The following FBN1 variants were observed in gnomAD, a reference collection of about 807,000 sequenced individuals.
The protein encoded by FBN1 is fibrillin 1.
FBN1 carries 29 observed loss-of-function variants against 365.1 expected under a neutral mutation model. The observed-to-expected ratio is 0.08, with a 90% CI of 0.06 to 0.11. The LOEUF (loss-of-function observed/expected upper bound fraction) is 0.11. Among genes scored for constraint, FBN1 ranks in the 10% least tolerant of loss-of-function variants. The pLI is 1.00. For missense variants in FBN1, 2,476 were observed against 3,703.2 expected, an observed-to-expected ratio of 0.67 and a Z score of 8.60; for synonymous variants, 1,210 against 1,270.5, an observed-to-expected ratio of 0.95 and a Z score of 1.01.
intron 6 of FBN1, among the ~76,000 whole-genome samples, chr15:48,565,647 A>T (rs2140663449): frequency 6.6e-6 from 1 of 152,120 alleles, no homozygotes; most frequent in East Asian, 1.9e-4. Context: ...AAGAAAAAGA[A>T]AATGCTAACT....
chr15:48,601,257 T>C (rs1254358669), intron 4 of FBN1, among the ~76,000 whole-genome samples: 1 of 152,214 alleles, frequency 6.6e-6, no homozygotes, highest in Admixed American at 6.5e-5. Context: ...CGCAGGCAAG[T>C]GCTCTCATTT....
At chr15:48,459,531 A>G (rs1393310639) in intron 43 of FBN1, among the ~76,000 whole-genome samples, 1 of 152,212 alleles carries the variant, frequency 6.6e-6, no homozygotes, top group African/African-American at 2.4e-5. Flanking sequence ...TTGCTACTAG[A>G]CACAACTGTG....
intron 45 of FBN1, among the ~76,000 whole-genome samples, chr15:48,449,274 T>C (rs187598421): frequency 2.0e-5 from 3 of 152,376 alleles, no homozygotes; most frequent in East Asian, 1.9e-4. Flanking sequence ...AAGTCATGGA[T>C]AGTTCATGGC....
At chr15:48,540,006 T>C (rs1053955257) in intron 6 of FBN1, among the ~76,000 whole-genome samples, 1 of 152,220 alleles carries the variant, frequency 6.6e-6, no homozygotes, top group Non-Finnish European at 1.5e-5. Flanking sequence ...CATTTCGTTC[T>C]TTCGATGAAG....
chr15:48,503,221 C>T (rs1014964858), intron 17 of FBN1, among the ~76,000 whole-genome samples: 4 of 147,418 alleles, frequency 2.7e-5, no homozygotes, highest in Non-Finnish European at 5.9e-5. Context: ...CACTTGAACC[C>T]GGGAGGCGGA....
Position 48,455,892 on chromosome 15 carries a change from G to T in FBN1, c.5422+745C>A, listed in dbSNP as rs191998489. Among the ~76,000 whole-genome samples the T allele has an allele frequency of 2.3e-3, 353 of 152,198 alleles. 1 individual carries two copies. Among genetic ancestry groups the T allele is most frequent in the Middle Eastern group, 6.8e-3 (2 of 294 alleles). On this transcript the variant is annotated intron_variant, in intron 44 of 65. Transcript: ENST00000316623. ...ATGTGCTATAATACGTGCTCTAAGG[G>T]GTAATAACCCTTTCTAACATGAATA... is the stretch of plus-strand genomic sequence containing the variant.
rs2042846527 is a variant in FBN1, at chr15:48,409,869, T to C, written c.*1121A>G. The C allele has an allele frequency of 1.3e-5, 2 of 152,174 alleles. No individual in the cohort carries two copies. Among genetic ancestry groups the C allele is most frequent in the African/African-American group, 4.8e-5 (2 of 41,440 alleles). The allele number at this position is 152,174 out of a possible 1,614,324, so 9.4% of individuals were successfully genotyped here. ...CTAAATTTCTCACAAGCAAGTCAGG[T>C]TAATGACACCAGACTCTGCTACTTT... On this transcript the variant is annotated 3_prime_UTR_variant, in exon 66 of 66. Transcript: ENST00000316623.
intron 49 of FBN1, 24 bp from the exon 50 acceptor site, chr15:48,441,870 C>G: frequency 6.2e-7 from 1 of 1,612,224 alleles, no homozygotes; most frequent in Non-Finnish European, 8.5e-7. Context: ...ATGAGTCAAA[C>G]AAAGTCAAAA....
chr15:48,519,996 T>C (rs918328484), intron 10 of FBN1, among the ~76,000 whole-genome samples: 8 of 152,206 alleles, frequency 5.3e-5, no homozygotes, highest in African/African-American at 1.9e-4. Flanking sequence ...AAAAATTGTA[T>C]GCATTCATTG....
intron 6 of FBN1, among the ~76,000 whole-genome samples, chr15:48,542,819 G>GTGTGTGTA (rs2044067870): frequency 7.2e-6 from 1 of 139,514 alleles, no homozygotes; most frequent in African/African-American, 2.5e-5. Context: ...GTGTGTGTGT[G>GTGTGTGTA]TGTGTGTGTG....
At chr15:48,420,150 C>T (rs139968032) in intron 63 of FBN1, among the ~76,000 whole-genome samples, 30 of 152,170 alleles carry the variant, frequency 2.0e-4, no homozygotes, top group African/African-American at 7.0e-4. Flanking sequence ...ATGAGAGAGT[C>T]AGTAGATCTC....
At position 48,456,871 on chromosome 15, in the gene FBN1, T is replaced by TGTGTGTGTGTGTGTGCGC. The variant is rs749897052; in HGVS notation, c.5297-110_5297-109insGCGCACACACACACACAC. The TGTGTGTGTGTGTGTGCGC allele has an allele frequency of 1.2e-4, 129 of 1,083,524 alleles. No individual in the cohort carries two copies. The Middle Eastern group carries it at 1.5e-3, about 12-fold the overall frequency. The allele number at this position is 1,083,524 out of a possible 1,614,324, so 67.1% of individuals were successfully genotyped here. ...GTGTGTGTGTGTGTGTGTGTGTGTG[T>TGTGTGTGTGTGTGTGCGC]GCGTGCATGTGTTGGGGTGGTGGTG... On this transcript the variant is annotated intron_variant, in intron 43 of 65. Coordinates refer to ENST00000316623, the MANE Select transcript of FBN1 (RefSeq NM_000138.5).
In FBN1 at chr15:48,487,386, T is replaced by C. The variant is rs747189975; in HGVS notation, c.3389A>G (p.His1130Arg). ...DPLLCRGGVC[H>R]NTEGSYRCEC... ...ACAGCGGTAACTTCCCTCTGTGTTA[T>C]GGCAAACACCACCTCGGCATAGGAG... Residue 1130 changes from histidine to arginine, a missense_variant, in exon 28 of 66, where the codon CAT (histidine) becomes CGT (arginine). Physicochemically the swap from His to Arg is conservative, Grantham distance 29. This residue lies in a region of FBN1 where 1,780 missense variants were observed against 2,840.8 expected (regional missense o/e 0.63). Transcript: ENST00000316623. The C allele has an allele frequency of 3.2e-5, 51 of 1,614,094 alleles. No homozygotes were observed. Among genetic ancestry groups the C allele is most frequent in the African/African-American group, 4.0e-5 (3 of 74,934 alleles).
chr15:48,543,422 G>A (rs376132760), intron 6 of FBN1, among the ~76,000 whole-genome samples: 6 of 152,080 alleles, frequency 3.9e-5, no homozygotes, highest in Middle Eastern at 3.2e-3. Context: ...GCACTATCAC[G>A]GAGATCGTCT....
At chr15:48,614,138 A>G (rs1396311026) in intron 2 of FBN1, among the ~76,000 whole-genome samples, 1 of 152,236 alleles carries the variant, frequency 6.6e-6, no homozygotes, top group East Asian at 1.9e-4. Flanking sequence ...GACAGAGACT[A>G]TAATACACAG....
At chr15:48,591,499 T>A (rs1354738) in intron 6 of FBN1, among the ~76,000 whole-genome samples, 1 of 152,146 alleles carries the variant, frequency 6.6e-6, no homozygotes, top group Admixed American at 6.5e-5. Context: ...TTGGAGCACA[T>A]TTATATGTCC....
At chr15:48,604,888 C>T (rs1033262372) in intron 4 of FBN1, among the ~76,000 whole-genome samples, 11 of 152,220 alleles carry the variant, frequency 7.2e-5, no homozygotes, top group Admixed American at 5.2e-4. Context: ...GGCCTTCTTA[C>T]ACCCTTAGAG....
At chr15:48,450,644 T>G (rs2466791) in intron 45 of FBN1, among the ~76,000 whole-genome samples, 2 of 152,126 alleles carry the variant, frequency 1.3e-5, no homozygotes, top group Non-Finnish European at 2.9e-5. Context: ...GTTGCATTTG[T>G]TCTAACTATC....
At chr15:48,431,519 T>G (rs568860279) in intron 55 of FBN1, among the ~76,000 whole-genome samples, 1 of 152,094 alleles carries the variant, frequency 6.6e-6, no homozygotes, top group Non-Finnish European at 1.5e-5. Context: ...ATAACAATAA[T>G]TATAACAGCA....
Sources: gnomAD v4.1 joint callset for allele counts (sites outside exome capture counted in the v4.1 genomes callset) on GRCh38, gnomAD v4.1.1 for gene constraint, gnomAD v4.1.1 regional missense constraint, MANE v1.5 for transcripts, NCBI Gene and HGNC (gene_info 2026-07-23, HGNC 2026-07-21) for gene names.